DKKL1: variants seen among roughly 807,000 people sequenced by gnomAD.
DKKL1 encodes dickkopf-like protein 1.
A neutral mutation model predicts 16.5 loss-of-function variants in DKKL1; 11 were observed. The observed-to-expected ratio is 0.67, with a 90% CI of 0.42 to 1.10. The LOEUF (loss-of-function observed/expected upper bound fraction) is 1.10. Among genes scored for constraint, DKKL1 ranks in the 50% least tolerant of loss-of-function variants. DKKL1 has a pLI of 0.00. For synonymous variants in DKKL1, 119 were observed against 133.2 expected (o/e 0.89, Z 0.73); for missense variants, 320 against 308.1 (o/e 1.04, Z -0.29).
At chr19:49,374,528 C>T (rs1340680809) in intron 4 of DKKL1, among the ~76,000 whole-genome samples, 189 bp from the exon 5 acceptor site, 1 of 152,230 alleles carries the variant, frequency 6.6e-6, no homozygotes, top group East Asian at 1.9e-4. Flanking sequence ...AATCCCAAAG[C>T]ATTCTGTAAA....
At chr19:49,363,260 A>AG (rs141698752), upstream of DKKL1, 5,245 of 152,962 alleles carry the variant, frequency 0.034, 283 homozygotes, top group African/African-American at 0.12. Context: ...CTCAGGGAAA[A>AG]GGAAGTCTGA....
chr19:49,365,768 TCA>T, intron 3 of DKKL1, 23 bp from the exon 4 acceptor site: 3 of 1,611,746 alleles, frequency 1.9e-6, no homozygotes, highest in Non-Finnish European at 2.5e-6. Flanking sequence ...AGGTTTGCTC[TCA>T]CTCTCTCATC....
upstream of DKKL1, chr19:49,361,757 G>A (rs781641136): frequency 6.5e-6 from 1 of 152,828 alleles, no homozygotes; most frequent in Non-Finnish European, 1.5e-5. Context: ...GGACCCCAGA[G>A]TCCAGGCCCC....
upstream of DKKL1, among the ~76,000 whole-genome samples, chr19:49,360,863 C>G (rs1336877364): frequency 1.7e-5 from 2 of 114,390 alleles, no homozygotes; most frequent in East Asian, 5.1e-4. Flanking sequence ...GGGACAGAGA[C>G]CAGTGAGGTG....
Position 49,374,766 on chromosome 19 carries a change from C to G in DKKL1, c.467C>G (p.Thr156Arg). Residue 156 changes from threonine (T) to arginine (R), a missense_variant, in exon 5 of 5, where the codon ACG becomes AGG. Transcript: ENST00000221498. ...GCCCTGGTACCCATCCAGAAGGCCACGGACAGCTTCCACACAGAACTCCAT... is the reference window on the plus strand; with the variant it reads ...GCCCTGGTACCCATCCAGAAGGCCAGGGACAGCTTCCACACAGAACTCCAT... ...KEALVPIQKA[T>R]DSFHTELHPR... The G allele has an allele frequency of 1.3e-6, 2 of 1,588,928 alleles. 1 individual carries two copies. The highest frequency in any genetic ancestry group is 3.4e-4 in the Middle Eastern group (2 of 5,942).
intron 4 of DKKL1, among the ~76,000 whole-genome samples, chr19:49,372,844 A>G (rs1973556073): frequency 6.6e-6 from 1 of 150,766 alleles, no homozygotes; most frequent in African/African-American, 2.4e-5. Context: ...TCTACTAAAA[A>G]TACAAAATTA....
rs186118539 is a variant in DKKL1, at chr19:49,372,521, G to A, written c.418-2196G>A. 2.4e-3 allele frequency among the ~76,000 whole-genome samples: 361 copies of A among 151,896 alleles called. 1 individual carries two copies. Among genetic ancestry groups the A allele is most frequent in the Non-Finnish European group, 4.1e-3 (278 of 67,942 alleles). ...ATCCTGGCTAATGCGGTGAAATCCC[G>A]TCTCTAGTAAAAATACAAAAAAATT... On this transcript the variant is annotated intron_variant, in intron 4 of 4. Coordinates refer to ENST00000221498, the MANE Select transcript of DKKL1 (RefSeq NM_014419.4).
chr19:49,373,649 T>C (rs1013738756), intron 4 of DKKL1, among the ~76,000 whole-genome samples: 2 of 152,146 alleles, frequency 1.3e-5, no homozygotes, highest in South Asian at 2.1e-4. Flanking sequence ...TTCATATTTT[T>C]AGTAGAGACA....
intron 1 of DKKL1, 66 bp from the exon 2 acceptor site, chr19:49,364,516 G>A: frequency 6.9e-7 from 1 of 1,456,508 alleles, no homozygotes; most frequent in South Asian, 1.3e-5. Flanking sequence ...GCAAGGTGCT[G>A]GAGAGGGGCG....
intron 1 of DKKL1, 144 bp downstream of exon 1, chr19:49,364,152 C>A: frequency 9.0e-7 from 1 of 1,108,224 alleles, no homozygotes; most frequent in Non-Finnish European, 1.3e-6. Context: ...GAGTTCGAGA[C>A]CAGCCTGGGC....
Position 49,364,613 on chromosome 19 carries a change from G to A in DKKL1, c.42G>A (p.Leu14=), listed in dbSNP as rs891837616. ...ASPPAPARRH[L]LVLLLLLSTL... Reference sequence around the variant, plus strand: ...CACCTGCCCCCGCAAGGCGGCATCTGCTGGTCCTGCTGCTGCTCCTCTCTA... The same window carrying A: ...CACCTGCCCCCGCAAGGCGGCATCTACTGGTCCTGCTGCTGCTCCTCTCTA... Residue 14 remains leucine, a synonymous_variant, in exon 2 of 5, where the codon CTG becomes CTA. Coordinates refer to ENST00000221498, the MANE Select transcript of DKKL1 (RefSeq NM_014419.4). 4 of 1,613,002 alleles carry A rather than the reference G, an allele frequency of 2.5e-6. No homozygotes were observed. The highest frequency in any genetic ancestry group is 3.4e-6 in the Non-Finnish European group (4 of 1,179,964).
At chr19:49,366,124 T>A (rs1266867885) in intron 4 of DKKL1, among the ~76,000 whole-genome samples, 1 of 152,046 alleles carries the variant, frequency 6.6e-6, no homozygotes, top group Non-Finnish European at 1.5e-5. Context: ...AGAGACAGGG[T>A]TTCTCCATGT....
At chr19:49,363,848 C>A, upstream of DKKL1, 5 of 1,142,478 alleles carry the variant, frequency 4.4e-6, no homozygotes, top group Non-Finnish European at 2.5e-6. Context: ...GTGGCTACGG[C>A]TCGCGGAGCG....
At chr19:49,364,341 C>T (rs1973161465) in intron 1 of DKKL1, among the ~76,000 whole-genome samples, 1 of 123,284 alleles carries the variant, frequency 8.1e-6, no homozygotes, top group South Asian at 2.5e-4. Context: ...TACAGAGTCT[C>T]GGTCTCAAAA....
chr19:49,375,043 G>C lies in DKKL1; in HGVS notation c.*15G>C. 6.3e-7 allele frequency: 1 copy of C among 1,585,350 alleles called. No individual in the cohort carries two copies. Among genetic ancestry groups the C allele is most frequent in the Non-Finnish European group, 8.6e-7 (1 of 1,165,958 alleles). The stretch of plus-strand genomic sequence containing the variant: ...GGCAGCTGTAGGGGTGGGGACCGGG[G>C]AGCACCTGCCTGTAGCCCCCATCAG... On this transcript the variant is annotated 3_prime_UTR_variant, in exon 5 of 5. Transcript: ENST00000221498.
intron 1 of DKKL1, among the ~76,000 whole-genome samples, chr19:49,364,265 C>T (rs1364395545): frequency 6.6e-6 from 1 of 150,938 alleles, no homozygotes; most frequent in African/African-American, 2.4e-5. Context: ...GTGGGAGAAT[C>T]ACCTGAGCCC....
At chr19:49,362,546 G>A (rs927688927), upstream of DKKL1, 1 of 152,198 alleles carries the variant, frequency 6.6e-6, no homozygotes, top group African/African-American at 2.4e-5. Flanking sequence ...TTTGCTTTGG[G>A]AGAGATTAGT....
intron 4 of DKKL1, 109 bp from the exon 5 acceptor site, chr19:49,374,608 C>G (rs1014283534): frequency 9.6e-7 from 1 of 1,039,116 alleles, no homozygotes; most frequent in Non-Finnish European, 1.4e-6. Flanking sequence ...GCTTTTGAAC[C>G]CACAAAGCAT....
intron 4 of DKKL1, 128 bp downstream of exon 4, chr19:49,366,013 C>G: frequency 1.3e-6 from 1 of 796,060 alleles, no homozygotes; most frequent in South Asian, 2.2e-5. Context: ...CTGCAACCTC[C>G]GCCTCCGAAG....
Sources: gnomAD v4.1 joint callset for allele counts (sites outside exome capture counted in the v4.1 genomes callset) on GRCh38, gnomAD v4.1.1 for gene constraint, MANE v1.5 for transcripts, NCBI Gene and HGNC (gene_info 2026-07-23, HGNC 2026-07-21) for gene names.